The following NOX4 variants were observed in gnomAD, a reference collection of about 807,000 sequenced individuals.
NOX4 encodes kidney oxidase-1.
In NOX4, 69 loss-of-function variants were observed where a neutral mutation model predicts 87.6. That is an observed-to-expected ratio of 0.79 (90% CI 0.65 to 0.96). NOX4 has a LOEUF of 0.96. Among genes scored for constraint, NOX4 ranks in the 40% least tolerant of loss-of-function variants. The probability of loss-of-function intolerance (pLI) is 0.00; values close to 1 mark genes in which losing one functional copy is unlikely to be tolerated. For synonymous variants in NOX4, 275 were observed against 238.2 expected (o/e 1.15, Z -1.42); for missense variants, 680 against 681.5 (o/e 1.00, Z 0.02).
chr11:89,329,721 T>C (rs1204447052), intron 17 of NOX4, among the ~76,000 whole-genome samples: 1 of 151,968 alleles, frequency 6.6e-6, no homozygotes, highest in Non-Finnish European at 1.5e-5. Context: ...AGTGATATCT[T>C]CAAAGTACTA....
the NOX4 span, among the ~76,000 whole-genome samples, chr11:89,566,788 C>T: frequency 1.3e-5 from 2 of 152,118 alleles, no homozygotes; most frequent in Non-Finnish European, 2.9e-5. Flanking sequence ...CATGAGACTG[C>T]CAAGCACCAG....
intron 2 of NOX4, among the ~76,000 whole-genome samples, chr11:89,475,132 C>T (rs1333838708): frequency 6.6e-6 from 1 of 151,794 alleles, no homozygotes; most frequent in Non-Finnish European, 1.5e-5. Flanking sequence ...CTACATTTTA[C>T]AGTAGGAAAC....
intron 7 of NOX4, among the ~76,000 whole-genome samples, chr11:89,426,388 T>A (rs1469239306): frequency 6.6e-6 from 1 of 151,794 alleles, no homozygotes; most frequent in African/African-American, 2.4e-5. Context: ...GGACAGTGGG[T>A]ACAGCCCACC....
At chr11:89,534,461 A>G in the NOX4 span, among the ~76,000 whole-genome samples, 3 of 152,278 alleles carry the variant, frequency 2.0e-5, no homozygotes, top group Middle Eastern at 3.4e-3. Context: ...CTCCTCTTCA[A>G]TATACATTAC....
chr11:89,504,288 G>A, the NOX4 span, among the ~76,000 whole-genome samples: 1 of 152,028 alleles, frequency 6.6e-6, no homozygotes, highest in Admixed American at 6.6e-5. Flanking sequence ...AAATGACACT[G>A]GGGAGACAGA....
Position 89,325,115 on chromosome 11 carries a change from C to CTTTTTTTTTTTTTTTTTTTT in NOX4, c.*1621_*1640dup, listed in dbSNP as rs141198784. 6.6e-5 allele frequency: 5 copies of CTTTTTTTTTTTTTTTTTTTT among 76,326 alleles called. 1 individual carries two copies. The highest frequency in any genetic ancestry group is 1.7e-4 in the African/African-American group (3 of 17,728). 4.7% of individuals were successfully genotyped at this position (76,326 alleles called of 1,614,324 possible). A position where few individuals can be genotyped will look rare whatever the true frequency, so the allele number is the denominator to read the frequency against. On this transcript the variant is annotated 3_prime_UTR_variant, in exon 18 of 18. Transcript: ENST00000263317. ...ACTAAACTGTATGAATGCTTTAATT[C>CTTTTTTTTTTTTTTTTTTTT]TTTTTTTTTTTTTTTTTTTTTTTTT...
intron 11 of NOX4, among the ~76,000 whole-genome samples, chr11:89,378,431 G>T (rs1940025941): frequency 6.6e-6 from 1 of 151,970 alleles, no homozygotes; most frequent in Non-Finnish European, 1.5e-5. Context: ...TCACTCCCCT[G>T]AACCCTTAAA....
At chr11:89,340,419 T>A (rs1173633102) in intron 14 of NOX4, among the ~76,000 whole-genome samples, 1 of 128,166 alleles carries the variant, frequency 7.8e-6, no homozygotes, top group Non-Finnish European at 1.7e-5. Context: ...GTGTTAAATG[T>A]TAAATGAATT....
At chr11:89,486,017 A>G (rs971922760) in intron 2 of NOX4, among the ~76,000 whole-genome samples, 2 of 152,070 alleles carry the variant, frequency 1.3e-5, no homozygotes, top group African/African-American at 4.8e-5. Flanking sequence ...CCCCCAATAA[A>G]ACATATTAAT....
chr11:89,513,452 T>C, the NOX4 span, among the ~76,000 whole-genome samples: 1 of 151,976 alleles, frequency 6.6e-6, no homozygotes, highest in Non-Finnish European at 1.5e-5. Flanking sequence ...TGAAAAAATC[T>C]CTAGCTATAG....
the NOX4 span, among the ~76,000 whole-genome samples, chr11:89,507,265 T>G: frequency 6.6e-6 from 1 of 151,862 alleles, no homozygotes. Flanking sequence ...TGTATCCATA[T>G]GTCAAAACTT....
chr11:89,451,039 A>T (rs1410927702), intron 3 of NOX4, among the ~76,000 whole-genome samples: 1 of 140,320 alleles, frequency 7.1e-6, no homozygotes, highest in Non-Finnish European at 1.5e-5. Context: ...CAGGATGGGG[A>T]ACATCACACA....
chr11:89,495,345 A>G (rs540572325), upstream of NOX4, among the ~76,000 whole-genome samples: 74 of 151,604 alleles, frequency 4.9e-4, no homozygotes, highest in South Asian at 1.9e-3. Context: ...GGCTGCTGAC[A>G]TTCTTTGATT....
At chr11:89,523,765 C>A in the NOX4 span, among the ~76,000 whole-genome samples, 1 of 152,118 alleles carries the variant, frequency 6.6e-6, no homozygotes, top group Non-Finnish European at 1.5e-5. Context: ...ACATGCTATA[C>A]TCATGCAAGG....
intron 8 of NOX4, among the ~76,000 whole-genome samples, chr11:89,406,768 G>A (rs532884843): frequency 2.6e-5 from 4 of 152,206 alleles, no homozygotes; most frequent in African/African-American, 7.2e-5. Flanking sequence ...AATAGCCACA[G>A]CACAGATATA....
chr11:89,461,110 A>G (rs1051684263), intron 2 of NOX4, among the ~76,000 whole-genome samples: 3 of 152,094 alleles, frequency 2.0e-5, no homozygotes, highest in African/African-American at 7.2e-5. Context: ...TTGAACAATG[A>G]GAACACATGG....
chr11:89,556,166 A>G, the NOX4 span, among the ~76,000 whole-genome samples: 4 of 152,110 alleles, frequency 2.6e-5, no homozygotes, highest in African/African-American at 9.7e-5. Context: ...ACCATAATAA[A>G]TATTTATTAA....
chr11:89,535,238 TAC>T, the NOX4 span, among the ~76,000 whole-genome samples: 1 of 152,262 alleles, frequency 6.6e-6, no homozygotes, highest in African/African-American at 2.4e-5. Flanking sequence ...GAATATGTGT[TAC>T]AGACATATTT....
intron 12 of NOX4, among the ~76,000 whole-genome samples, chr11:89,358,386 C>CAAAAAAAAAAAAAAAAAA (rs10558391): frequency 6.8e-4 from 53 of 78,116 alleles, no homozygotes; most frequent in Non-Finnish European, 7.8e-4. Flanking sequence ...AACTTAATCT[C>CAAAAAAAAAAAAAAAAAA]AAAAAAAAAA....
Sources: gnomAD v4.1 joint callset for allele counts (sites outside exome capture counted in the v4.1 genomes callset) on GRCh38, gnomAD v4.1.1 for gene constraint, MANE v1.5 for transcripts, NCBI Gene and HGNC (gene_info 2026-07-23, HGNC 2026-07-21) for gene names.